Variants in WBP2NL observed in about 807,000 individuals in gnomAD.
WBP2NL encodes the protein postacrosomal sheath WW domain-binding protein.
WBP2NL carries 27 observed loss-of-function variants against 23.3 expected under a neutral mutation model. That is an observed-to-expected ratio of 1.16 (90% CI 0.85 to 1.60). The LOEUF (loss-of-function observed/expected upper bound fraction) is 1.60. Ranked by LOEUF, WBP2NL falls within the 40% of genes most tolerant of loss-of-function variation. The pLI is 0.00. For missense variants in WBP2NL, 370 were observed against 389.5 expected, an observed-to-expected ratio of 0.95 and a Z score of 0.42; for synonymous variants, 151 against 145.9, an observed-to-expected ratio of 1.03 and a Z score of -0.25.
chr22:42,043,344 C>T (rs1234366507), intron 8 of WBP2NL, among the ~76,000 whole-genome samples: 1 of 152,172 alleles, frequency 6.6e-6, no homozygotes, highest in East Asian at 1.9e-4. Flanking sequence ...GGTGCAGCAG[C>T]AAGGGACTGG....
At chr22:42,050,284 C>A (rs1172304533) in intron 8 of WBP2NL, among the ~76,000 whole-genome samples, 13 of 151,892 alleles carry the variant, frequency 8.6e-5, no homozygotes, top group Non-Finnish European at 1.8e-4. Flanking sequence ...CAGAGGGAGA[C>A]CCTGTCTCTA....
At chr22:42,047,714 C>T (rs888070910) in intron 8 of WBP2NL, among the ~76,000 whole-genome samples, 4 of 150,474 alleles carry the variant, frequency 2.7e-5, no homozygotes, top group South Asian at 2.2e-4. Flanking sequence ...CTCCGCCTCC[C>T]GGGTTCACGC....
chr22:42,007,825 A>T (rs1922395296), intron 1 of WBP2NL, among the ~76,000 whole-genome samples: 1 of 145,346 alleles, frequency 6.9e-6, no homozygotes, highest in Non-Finnish European at 1.5e-5. Flanking sequence ...GGTTGCTTCC[A>T]CCTCCTGGTT....
intron 1 of WBP2NL, among the ~76,000 whole-genome samples, chr22:42,000,753 C>T (rs1184721195): frequency 1.3e-5 from 2 of 148,628 alleles, no homozygotes; most frequent in African/African-American, 5.0e-5. Flanking sequence ...ATGTTGAAAC[C>T]CCATCTCTAC....
intron 5 of WBP2NL, among the ~76,000 whole-genome samples, chr22:42,026,273 AAATAATAAT>A (rs3045492): frequency 0.4 from 56,331 of 140,022 alleles, 12,734 homozygotes; most frequent in East Asian, 0.79. Flanking sequence ...CCCCCTCTCA[AAATAATAAT>A]AATAATAATA....
rs1483881577 is a variant in WBP2NL at position 42,020,868 on chromosome 22, G to GTATATGTATATGTATA, written c.406+777_406+778insGTATATGTATATATAT. On this transcript the variant is annotated intron_variant, in intron 4 of 5. Transcript: ENST00000328823. ...ATCTCATATATGTGTGTGTGTGTGT[G>GTATATGTATATGTATA]TATATATATATATATATATATATAT... 7.2e-4 allele frequency among the ~76,000 whole-genome samples: 11 copies of GTATATGTATATGTATA among 15,248 alleles called. 1 individual carries two copies. The highest frequency in any genetic ancestry group is 1.0e-3 in the Non-Finnish European group (10 of 9,920). The allele number at this position is 15,248 out of a possible 152,430, so 10.0% of individuals were successfully genotyped here.
intron 1 of WBP2NL, among the ~76,000 whole-genome samples, chr22:42,007,238 G>A (rs973016043): frequency 6.6e-6 from 1 of 151,628 alleles, no homozygotes; most frequent in African/African-American, 2.4e-5. Context: ...GTTTGTTTGT[G>A]GTTTTTTTGG....
At position 42,028,053 on chromosome 22, in the gene WBP2NL, C is replaced by T. The variant is rs976170669; in HGVS notation, c.*872C>T. On this transcript the variant is annotated 3_prime_UTR_variant, in exon 6 of 6. Coordinates refer to ENST00000328823, the MANE Select transcript of WBP2NL (RefSeq NM_152613.3). ...ACTTTCACATTTTAAAATATGCCTG[C>T]GAGAAAACTTGCATGTGTGCACAAA... 1.8e-5 allele frequency: 7 copies of T among 398,238 alleles called. No individual in the cohort carries two copies. Among genetic ancestry groups the T allele is most frequent in the South Asian group, 1.3e-4 (1 of 7,862 alleles). 24.7% of individuals were successfully genotyped at this position (398,238 alleles called of 1,614,324 possible).
chr22:42,010,785 G>A (rs570480829), intron 1 of WBP2NL, among the ~76,000 whole-genome samples: 135 of 152,260 alleles, frequency 8.9e-4, no homozygotes, highest in African/African-American at 3.1e-3. Context: ...TGATCCGCCC[G>A]CCTTGGCCTC....
rs771630394 is a variant in WBP2NL at position 42,010,345 on chromosome 22, G to A, written c.63-8966G>A. On this transcript the variant is annotated intron_variant, in intron 1 of 5. Transcript: ENST00000328823. ...TGGCTAGGACTTCCAATACTATGTC[G>A]AATAGAAGTGGTGAAAGCAGGCATC... is the stretch of plus-strand genomic sequence containing the variant. 1.1e-4 allele frequency among the ~76,000 whole-genome samples: 16 copies of A among 152,076 alleles called. 2 individuals carry two copies. Among genetic ancestry groups the A allele is most frequent in the Admixed American group, 6.5e-4 (10 of 15,272 alleles).
chr22:42,002,036 T>A lies in WBP2NL; in HGVS notation c.62+3156T>A, dbSNP rs1020510729. 2.9e-5 allele frequency: 15 copies of A among 521,166 alleles called. No homozygotes were observed. In the African/African-American group the frequency reaches 2.9e-4, roughly 10 times the overall value. The allele number at this position is 521,166 out of a possible 1,614,324, so 32.3% of individuals were successfully genotyped here. A position where few individuals can be genotyped will look rare whatever the true frequency, so the allele number is the denominator to read the frequency against. ...AATCGGCTTTGACTCCGGGGCTGAT[T>A]GTGAAGTCATTTCTAATTTGGTGTT... is the stretch of plus-strand genomic sequence containing the variant. On this transcript the variant is annotated intron_variant, in intron 1 of 5. Coordinates refer to ENST00000328823, the MANE Select transcript of WBP2NL (RefSeq NM_152613.3).
At chr22:42,042,193 C>CT (rs1925422831) in intron 8 of WBP2NL, among the ~76,000 whole-genome samples, 1 of 152,184 alleles carries the variant, frequency 6.6e-6, no homozygotes, top group Admixed American at 6.5e-5. Context: ...GTCTGGACGT[C>CT]TATTTCTTTC....
At chr22:42,037,848 A>AGT (rs1195019745), downstream of WBP2NL, among the ~76,000 whole-genome samples, 7 of 87,502 alleles carry the variant, frequency 8.0e-5, no homozygotes, top group Admixed American at 1.2e-4. Flanking sequence ...AGAGAGAGTG[A>AGT]GAGTGTGTGT....
intron 8 of WBP2NL, among the ~76,000 whole-genome samples, chr22:42,054,816 G>A (rs538980507): frequency 1.2e-4 from 18 of 152,122 alleles, no homozygotes; most frequent in Admixed American, 3.3e-4. Context: ...CTGAACCCAG[G>A]GGTTTAAGCC....
At chr22:42,033,036 C>G (rs1925045939), downstream of WBP2NL, 1 of 168,720 alleles carries the variant, frequency 5.9e-6, no homozygotes. Flanking sequence ...ATTCCACCCA[C>G]CCGGCCTGAC....
chr22:42,010,863 G>C (rs980473634), intron 1 of WBP2NL, among the ~76,000 whole-genome samples: 2 of 152,154 alleles, frequency 1.3e-5, no homozygotes, highest in Non-Finnish European at 2.9e-5. Flanking sequence ...CTTTTCATAT[G>C]CTTTTTCTGC....
downstream of WBP2NL, among the ~76,000 whole-genome samples, chr22:42,034,549 T>C (rs1004809129): frequency 3.9e-5 from 6 of 152,228 alleles, no homozygotes; most frequent in Non-Finnish European, 7.3e-5. Context: ...TCAGGCACCA[T>C]TGTCATTGAT....
intron 1 of WBP2NL, among the ~76,000 whole-genome samples, chr22:42,012,126 C>G (rs1407530416): frequency 1.3e-5 from 2 of 152,150 alleles, no homozygotes; most frequent in Admixed American, 1.3e-4. Flanking sequence ...GTTGAGACTT[C>G]TCTCTTTTTC....
At chr22:42,032,726 A>G (rs1334337709), downstream of WBP2NL, 1 of 470,292 alleles carries the variant, frequency 2.1e-6, no homozygotes, top group South Asian at 1.6e-5. Flanking sequence ...GGGGCAGACA[A>G]CCATGGACTG....
Sources: gnomAD v4.1 joint callset for allele counts (sites outside exome capture counted in the v4.1 genomes callset) on GRCh38, gnomAD v4.1.1 for gene constraint, MANE v1.5 for transcripts, NCBI Gene and HGNC (gene_info 2026-07-23, HGNC 2026-07-21) for gene names.